GRIN2A: variants seen among roughly 807,000 people sequenced by gnomAD.
The protein encoded by GRIN2A is glutamate receptor ionotropic, NMDA 2A.
GRIN2A carries 22 observed loss-of-function variants against 113.4 expected under a neutral mutation model. The ratio of observed to expected loss-of-function variants is 0.19; its 90% CI spans 0.14 to 0.28. GRIN2A has a LOEUF of 0.28. GRIN2A is among the 10% of genes least tolerant of loss of function. GRIN2A has a pLI of 1.00. For synonymous variants in GRIN2A, 827 were observed against 738.4 expected, an observed-to-expected ratio of 1.12 and a Z score of -1.94; for missense variants, 1,502 against 1,887.0, an observed-to-expected ratio of 0.80 and a Z score of 3.78.
intron 2 of GRIN2A, among the ~76,000 whole-genome samples, chr16:10,100,898 G>C (rs551120118): frequency 7.2e-5 from 11 of 152,330 alleles, no homozygotes; most frequent in African/African-American, 2.6e-4. Flanking sequence ...TTCAAGGTGT[G>C]ATTCTCCAGG....
chr16:9,798,156 C>G (rs1903114894), intron 11 of GRIN2A, 121 bp downstream of exon 11: 1 of 791,064 alleles, frequency 1.3e-6, no homozygotes, highest in Non-Finnish European at 2.2e-6. Flanking sequence ...GACAGGAACT[C>G]AGTAAATATT....
chr16:10,100,429 G>A (rs1185027037), intron 2 of GRIN2A, among the ~76,000 whole-genome samples: 1 of 152,190 alleles, frequency 6.6e-6, no homozygotes, highest in Non-Finnish European at 1.5e-5. Context: ...TGATGGAAAT[G>A]GGGAGATGTA....
intron 4 of GRIN2A, among the ~76,000 whole-genome samples, chr16:9,853,840 A>C (rs1042921184): frequency 2.0e-5 from 3 of 152,220 alleles, no homozygotes; most frequent in Admixed American, 6.5e-5. Flanking sequence ...ATCTTGTTTC[A>C]TTTATACTCC....
At chr16:9,976,542 C>A (rs1445219101) in intron 2 of GRIN2A, among the ~76,000 whole-genome samples, 2 of 152,200 alleles carry the variant, frequency 1.3e-5, no homozygotes, top group Non-Finnish European at 2.9e-5. Flanking sequence ...TGAAACCCAA[C>A]AGAAAACTGC....
At chr16:10,142,089 G>C (rs370298206) in intron 2 of GRIN2A, among the ~76,000 whole-genome samples, 31 of 152,296 alleles carry the variant, frequency 2.0e-4, no homozygotes, top group East Asian at 1.4e-3. Context: ...CCTGTTCTGA[G>C]TTATAGGAAA....
chr16:9,949,674 T>C (rs1370008336), intron 2 of GRIN2A, among the ~76,000 whole-genome samples: 3 of 149,216 alleles, frequency 2.0e-5, no homozygotes, highest in African/African-American at 5.0e-5. Context: ...GATGGACAGA[T>C]GGATGGATGG....
intron 2 of GRIN2A, among the ~76,000 whole-genome samples, chr16:10,121,933 C>T (rs1008730972): frequency 5.3e-5 from 8 of 152,262 alleles, no homozygotes; most frequent in Admixed American, 2.6e-4. Context: ...TCTCAAAAAA[C>T]CCTGCAAACA....
chr16:9,937,673 T>G (rs1171154741), intron 3 of GRIN2A: 3 of 448,422 alleles, frequency 6.7e-6, no homozygotes, highest in Non-Finnish European at 1.2e-5. Flanking sequence ...ACACTTGAGA[T>G]ACAGCCATAG....
intron 3 of GRIN2A, among the ~76,000 whole-genome samples, chr16:9,892,892 C>A (rs1236309792): frequency 2.1e-5 from 3 of 145,330 alleles, no homozygotes; most frequent in African/African-American, 7.7e-5. Context: ...TACTGTGTCA[C>A]TTGCTTCATA....
intron 4 of GRIN2A, among the ~76,000 whole-genome samples, chr16:9,856,824 G>T (rs1401831468): frequency 2.0e-5 from 3 of 151,832 alleles, no homozygotes; most frequent in Non-Finnish European, 4.4e-5. Context: ...GCAGAACCAG[G>T]ATGTGAACCC....
chr16:9,848,790 A>G (rs1018433702), intron 5 of GRIN2A, among the ~76,000 whole-genome samples: 1 of 106,838 alleles, frequency 9.4e-6, no homozygotes, highest in African/African-American at 4.5e-5. Flanking sequence ...ATTTAAATAT[A>G]TAAAATACAC....
chr16:9,778,347 C>T (rs1055754327), intron 11 of GRIN2A, among the ~76,000 whole-genome samples: 9 of 152,148 alleles, frequency 5.9e-5, no homozygotes, highest in East Asian at 1.9e-4. Context: ...CAAATAAAGA[C>T]GGTCAAGCTG....
intron 11 of GRIN2A, among the ~76,000 whole-genome samples, chr16:9,777,169 C>T (rs1267475693): frequency 6.6e-6 from 1 of 152,138 alleles, no homozygotes; most frequent in Non-Finnish European, 1.5e-5. Context: ...AAACTCATTC[C>T]TTTCTCTCTT....
intron 2 of GRIN2A, among the ~76,000 whole-genome samples, chr16:9,976,554 A>C (rs1394165002): frequency 6.6e-6 from 1 of 152,216 alleles, no homozygotes; most frequent in Non-Finnish European, 1.5e-5. Flanking sequence ...GAAAACTGCA[A>C]GCTCCAGGAC....
chr16:9,958,375 C>T (rs923553041), intron 2 of GRIN2A, among the ~76,000 whole-genome samples: 2 of 151,970 alleles, frequency 1.3e-5, no homozygotes, highest in African/African-American at 4.8e-5. Context: ...CAAACCAGAC[C>T]GTGAATTGCC....
intron 2 of GRIN2A, among the ~76,000 whole-genome samples, chr16:10,068,675 C>T (rs149111368): frequency 2.2e-4 from 33 of 152,294 alleles, no homozygotes; most frequent in Non-Finnish European, 2.6e-4. Flanking sequence ...TTATCAATTC[C>T]CCCATGGATC....
intron 2 of GRIN2A, among the ~76,000 whole-genome samples, chr16:10,168,218 T>A (rs959793287): frequency 6.6e-6 from 1 of 152,188 alleles, no homozygotes; most frequent in Admixed American, 6.5e-5. Context: ...TATGTGTGTG[T>A]GAGTTGATAT....
intron 2 of GRIN2A, 73 bp downstream of exon 2, chr16:10,179,925 C>G: frequency 7.8e-7 from 1 of 1,289,248 alleles, no homozygotes; most frequent in Non-Finnish European, 1.1e-6. Context: ...TAGGGGCGTC[C>G]GAAGACCTGC....
intron 2 of GRIN2A, among the ~76,000 whole-genome samples, chr16:9,960,030 A>G (rs2045404277): frequency 6.6e-6 from 1 of 152,166 alleles, no homozygotes; most frequent in Non-Finnish European, 1.5e-5. Context: ...CACTGAAACC[A>G]CATAATTGAG....
Sources: allele counts gnomAD v4.1 joint callset (sites outside exome capture counted in the v4.1 genomes callset), GRCh38; gene constraint gnomAD v4.1.1; transcripts MANE v1.5; gene names NCBI Gene and HGNC (gene_info 2026-07-23, HGNC 2026-07-21).